The following UACA variants were observed in gnomAD, a reference collection of about 807,000 sequenced individuals.
The protein encoded by UACA is nuclear membrane binding protein.
In UACA, 112 loss-of-function variants were observed where a neutral mutation model predicts 160.5. The observed-to-expected ratio is 0.70, with a 90% CI of 0.60 to 0.82. UACA has a LOEUF of 0.82. UACA is among the 40% of genes least tolerant of loss of function. UACA has a pLI of 0.00. For missense variants in UACA, 1,574 were observed against 1,614.6 expected (o/e 0.97, Z 0.43); for synonymous variants, 557 against 568.4 (o/e 0.98, Z 0.29).
At chr15:70,661,597 A>T (rs1896708369) in intron 17 of UACA, 1 of 152,204 alleles carries the variant, frequency 6.6e-6, no homozygotes, top group Admixed American at 6.6e-5. Flanking sequence ...AATTCTATGA[A>T]ATAGGGAAAC....
chr15:70,758,161 A>C (rs951910949), intron 1 of UACA: 1 of 152,216 alleles, frequency 6.6e-6, no homozygotes, highest in Non-Finnish European at 1.5e-5. Context: ...TATGCACCAA[A>C]AGACCCACCA....
Position 70,657,048 on chromosome 15 carries a change from G to C in UACA, c.*8C>G. ...GATAAAACAGATACTGGCAGTCAGT[G>C]CTAACGGCTAGCACACAAGCCCCTG... On this transcript the variant is annotated 3_prime_UTR_variant, in exon 19 of 19. Coordinates refer to ENST00000322954, the MANE Select transcript of UACA (RefSeq NM_018003.4). 1 of 1,612,170 alleles carries C rather than the reference G, an allele frequency of 6.2e-7. No homozygotes were observed.
intron 9 of UACA, chr15:70,681,947 A>T (rs1897524574): frequency 6.6e-6 from 1 of 152,244 alleles, no homozygotes; most frequent in Non-Finnish European, 1.5e-5. Context: ...GATGATGATC[A>T]GAATTGCTCA....
At chr15:70,720,134 G>A (rs963042055) in intron 1 of UACA, among the ~76,000 whole-genome samples, 1 of 152,024 alleles carries the variant, frequency 6.6e-6, no homozygotes, top group Admixed American at 6.5e-5. Context: ...TCTTCCTCCT[G>A]CTCCAGCCAT....
At chr15:70,670,987 C>G in intron 15 of UACA, 52 bp downstream of exon 15, 1 of 1,272,968 alleles carries the variant, frequency 7.9e-7, no homozygotes, top group East Asian at 2.6e-5. Context: ...TATAAAGGCA[C>G]AAAAATTTTC....
Position 70,690,853 on chromosome 15 carries a change from G to A in UACA, c.367-342C>T, listed in dbSNP as rs571532152. Among the ~76,000 whole-genome samples the A allele has an allele frequency of 2.6e-5, 4 of 152,102 alleles. No homozygotes were observed. In the South Asian group the frequency reaches 8.3e-4, roughly 32 times the overall value. Reference sequence around the variant, plus strand: ...GGTGAGTTCTGCTATGAAACTTAGTGAATATGTTTATAAAAATGTATGACT... The same window carrying A: ...GGTGAGTTCTGCTATGAAACTTAGTAAATATGTTTATAAAAATGTATGACT... On this transcript the variant is annotated intron_variant, in intron 4 of 18. Coordinates refer to ENST00000322954, the MANE Select transcript of UACA (RefSeq NM_018003.4).
In UACA at chr15:70,669,328, G is replaced by C; in HGVS notation, c.1356C>G (p.Phe452Leu). Residue 452 changes from phenylalanine to leucine, a missense_variant, in exon 16 of 19, where the codon TTC becomes TTG. Transcript: ENST00000322954. ...GTCGGTCTTGTTTTGCTGACTCACA[G>C]AAAGTTCGCATTGCTTCTAACTCTT... ...LKKELEAMRT[F>L]CESAKQDRLK... 6.2e-7 allele frequency: 1 copy of C among 1,614,056 alleles called. No individual in the cohort carries two copies. The highest frequency in any genetic ancestry group is 1.1e-5 in the South Asian group (1 of 91,084).
chr15:70,669,525 T>C, intron 15 of UACA, 63 bp from the exon 16 acceptor site: 2 of 1,311,364 alleles, frequency 1.5e-6, no homozygotes, highest in Non-Finnish European at 2.0e-6. Context: ...ACTATACTTA[T>C]TTGCCAAACT....
chr15:70,760,288 G>A (rs867378285), intron 1 of UACA, among the ~76,000 whole-genome samples: 16 of 151,940 alleles, frequency 1.1e-4, no homozygotes, highest in South Asian at 2.1e-4. Context: ...ATTAAATATC[G>A]CAGAGTGGAA....
At chr15:70,689,677 T>C (rs920875775) in intron 5 of UACA, among the ~76,000 whole-genome samples, 1 of 152,116 alleles carries the variant, frequency 6.6e-6, no homozygotes, top group Admixed American at 6.6e-5. Context: ...CTGTTTTTTT[T>C]CCTTTGGCCT....
At chr15:70,661,168 G>C (rs961771810) in intron 17 of UACA, 1 of 152,106 alleles carries the variant, frequency 6.6e-6, no homozygotes, top group Non-Finnish European at 1.5e-5. Flanking sequence ...TACCAAAATA[G>C]CATCTACGTT....
At chr15:70,682,869 C>T (rs1247005471) in intron 8 of UACA, 74 bp from the exon 9 acceptor site, 3 of 857,558 alleles carry the variant, frequency 3.5e-6, no homozygotes, top group Non-Finnish European at 5.2e-6. Flanking sequence ...CCTAACTATA[C>T]AATTGAGTCA....
intron 1 of UACA, among the ~76,000 whole-genome samples, chr15:70,708,754 A>G (rs1197983539): frequency 6.6e-6 from 1 of 152,202 alleles, no homozygotes; most frequent in Non-Finnish European, 1.5e-5. Context: ...TACAGGTGTG[A>G]GCCACTGTGC....
chr15:70,744,248 C>CAAAAAA (rs5813608), intron 1 of UACA, among the ~76,000 whole-genome samples: 7 of 64,690 alleles, frequency 1.1e-4, no homozygotes, highest in East Asian at 5.6e-4. Context: ...GACTCTGTCT[C>CAAAAAA]AAAAAAAAAA....
intron 1 of UACA, among the ~76,000 whole-genome samples, chr15:70,714,096 C>T (rs1898759674): frequency 1.3e-5 from 2 of 152,150 alleles, no homozygotes; most frequent in African/African-American, 4.8e-5. Flanking sequence ...TAATTACCAA[C>T]ATTCTCTGTT....
intron 1 of UACA, among the ~76,000 whole-genome samples, chr15:70,711,232 A>G (rs1396107284): frequency 2.0e-5 from 3 of 152,212 alleles, no homozygotes; most frequent in Non-Finnish European, 4.4e-5. Context: ...CCTTTGCACA[A>G]TATAGAATCC....
At chr15:70,735,260 G>C (rs1198540958) in intron 1 of UACA, among the ~76,000 whole-genome samples, 1 of 150,156 alleles carries the variant, frequency 6.7e-6, no homozygotes, top group Non-Finnish European at 1.5e-5. Flanking sequence ...TCAATACCTG[G>C]GTGACAAGAT....
At chr15:70,736,463 C>CT (rs1185053756) in intron 1 of UACA, among the ~76,000 whole-genome samples, 1 of 152,044 alleles carries the variant, frequency 6.6e-6, no homozygotes, top group Non-Finnish European at 1.5e-5. Context: ...GGGATGGAGT[C>CT]TCACTCTGCC....
In UACA at chr15:70,667,700, T is replaced by TC; in HGVS notation, c.2983dup (p.Glu995GlyfsTer5). The TC allele has an allele frequency of 6.2e-7, 1 of 1,613,874 alleles. No homozygotes were observed. The highest frequency in any genetic ancestry group is 8.5e-7 in the Non-Finnish European group (1 of 1,179,940). On this transcript the variant is annotated frameshift_variant, in exon 16 of 19. Transcript: ENST00000322954. LOFTEE classifies it high-confidence loss of function. ...TTTCTCTGTTGCTTTAAATTTTCTCTCGCACTCCTCAAAGCTGACAATTGG... is the reference window on the plus strand; with the variant it reads ...TTTCTCTGTTGCTTTAAATTTTCTCTCCGCACTCCTCAAAGCTGACAATTGG...
Sources: allele counts gnomAD v4.1 joint callset (sites outside exome capture counted in the v4.1 genomes callset), GRCh38; gene constraint gnomAD v4.1.1; transcripts MANE v1.5; gene names NCBI Gene and HGNC (gene_info 2026-07-23, HGNC 2026-07-21).